The following CTNNA3 variants were observed in gnomAD, a reference collection of about 807,000 sequenced individuals.
The protein encoded by CTNNA3 is catenin alpha-3.
CTNNA3 carries 76 observed loss-of-function variants against 95.7 expected under a neutral mutation model. The observed-to-expected ratio is 0.79, with a 90% CI of 0.66 to 0.96. The LOEUF is 0.96. Among genes scored for constraint, CTNNA3 ranks in the 40% least tolerant of loss-of-function variants. The pLI is 0.00. For synonymous variants in CTNNA3, 431 were observed against 374.4 expected (o/e 1.15, Z -1.74); for missense variants, 1,191 against 1,089.8 (o/e 1.09, Z -1.31).
chr10:67,441,324 C>T (rs975216674), intron 5 of CTNNA3, among the ~76,000 whole-genome samples: 31 of 150,214 alleles, frequency 2.1e-4, no homozygotes, highest in African/African-American at 6.6e-4. Context: ...AAAATAGCCT[C>T]GAAAGGGCAA....
chr10:67,405,524 AG>A (rs1845107398), intron 5 of CTNNA3, among the ~76,000 whole-genome samples: 2 of 152,242 alleles, frequency 1.3e-5, no homozygotes, highest in Admixed American at 1.3e-4. Flanking sequence ...CACCCAAAAC[AG>A]GAACACCCAG....
At chr10:66,629,344 A>G (rs907534922) in intron 9 of CTNNA3, among the ~76,000 whole-genome samples, 6 of 152,010 alleles carry the variant, frequency 3.9e-5, no homozygotes, top group African/African-American at 1.2e-4. Context: ...TCACTCTCTC[A>G]TTCTCCCATC....
rs115477051 is a variant in CTNNA3, at chr10:66,590,004, A to G, written c.1374+31688T>C. Among the ~76,000 whole-genome samples the G allele has an allele frequency of 5.9e-3, 899 of 152,240 alleles. 10 individuals carry two copies. The highest frequency in any genetic ancestry group is 0.021 in the African/African-American group (876 of 41,556). On this transcript the variant is annotated intron_variant, in intron 10 of 17. Transcript: ENST00000433211. ...GTATAAAGAAATATTGAAAGGAGTA[A>G]GATTTTTTGAAAAAAAGTTTGGTAG...
chr10:66,938,396 A>C (rs1284916767), intron 7 of CTNNA3, among the ~76,000 whole-genome samples: 1 of 152,176 alleles, frequency 6.6e-6, no homozygotes, highest in African/African-American at 2.4e-5. Context: ...CCCATATTTT[A>C]TATATGTATC....
chr10:66,389,947 G>A (rs1331584501), intron 11 of CTNNA3, among the ~76,000 whole-genome samples: 1 of 152,084 alleles, frequency 6.6e-6, no homozygotes, highest in African/African-American at 2.4e-5. Flanking sequence ...CGTTGCTCAG[G>A]CTGATATCGA....
At chr10:67,169,933 A>T (rs1564939355) in intron 7 of CTNNA3, among the ~76,000 whole-genome samples, 1 of 152,210 alleles carries the variant, frequency 6.6e-6, no homozygotes, top group Non-Finnish European at 1.5e-5. Context: ...TGACAAAAGA[A>T]AAACAACCCC....
intron 4 of CTNNA3, among the ~76,000 whole-genome samples, chr10:67,538,429 A>G (rs1314415073): frequency 1.3e-5 from 2 of 151,678 alleles, no homozygotes; most frequent in African/African-American, 4.8e-5. Flanking sequence ...AAATAATACA[A>G]AAAATTAGCC....
chr10:67,173,048 T>C (rs919603384), intron 7 of CTNNA3, among the ~76,000 whole-genome samples: 1 of 152,138 alleles, frequency 6.6e-6, no homozygotes, highest in Admixed American at 6.6e-5. Context: ...TTCTAAACAT[T>C]ACCAATAGTA....
chr10:66,416,503 A>G (rs763102138), intron 11 of CTNNA3, among the ~76,000 whole-genome samples: 1 of 151,598 alleles, frequency 6.6e-6, no homozygotes, highest in Non-Finnish European at 1.5e-5. Flanking sequence ...ATGGTATACT[A>G]TAGTTAAAAT....
chr10:67,581,843 G>A (rs183124081), intron 3 of CTNNA3, among the ~76,000 whole-genome samples: 1 of 152,124 alleles, frequency 6.6e-6, no homozygotes, highest in Non-Finnish European at 1.5e-5. Context: ...TAGTTTTTTT[G>A]TGTAGAAGTG....
intron 1 of CTNNA3, chr10:67,665,792 A>T (rs1840318703): frequency 6.6e-6 from 1 of 152,232 alleles, no homozygotes; most frequent in Non-Finnish European, 1.5e-5. Flanking sequence ...CAGCAGAATC[A>T]GACCTGAAAT....
intron 3 of CTNNA3, among the ~76,000 whole-genome samples, chr10:67,593,127 T>G (rs1423330687): frequency 6.6e-6 from 1 of 152,182 alleles, no homozygotes; most frequent in Non-Finnish European, 1.5e-5. Context: ...GTTGCATCCA[T>G]GTTGCTGCAA....
intron 12 of CTNNA3, among the ~76,000 whole-genome samples, chr10:66,296,091 A>G (rs1564846310): frequency 6.6e-6 from 1 of 152,132 alleles, no homozygotes; most frequent in Non-Finnish European, 1.5e-5. Context: ...TACACTTTCT[A>G]TTTTTACTTC....
At chr10:67,318,100 A>T (rs1841143227) in intron 5 of CTNNA3, among the ~76,000 whole-genome samples, 1 of 152,060 alleles carries the variant, frequency 6.6e-6, no homozygotes, top group Admixed American at 6.5e-5. Flanking sequence ...GTAGGAGAAA[A>T]TGCCTATTAG....
intron 3 of CTNNA3, among the ~76,000 whole-genome samples, chr10:67,590,106 T>C (rs1446594432): frequency 6.6e-6 from 1 of 152,104 alleles, no homozygotes. Context: ...ATACAAAATA[T>C]ATTAATTATC....
intron 15 of CTNNA3, among the ~76,000 whole-genome samples, chr10:65,995,656 T>G (rs779975344): frequency 2.0e-5 from 3 of 152,206 alleles, no homozygotes; most frequent in Non-Finnish European, 4.4e-5. Context: ...GCAGTGGCAG[T>G]ATTGGGCCAT....
chr10:66,537,938 T>A (rs569200172), intron 10 of CTNNA3, among the ~76,000 whole-genome samples: 19 of 152,290 alleles, frequency 1.2e-4, no homozygotes, highest in African/African-American at 4.3e-4. Flanking sequence ...GGATAAAAGA[T>A]CTGTCATTCC....
Position 66,192,309 on chromosome 10 carries a change from A to G in CTNNA3, c.1884+88161T>C, listed in dbSNP as rs551412270. On this transcript the variant is annotated intron_variant, in intron 13 of 17. Coordinates refer to ENST00000433211, the MANE Select transcript of CTNNA3 (RefSeq NM_013266.4). ...TAAATATTTTCTATAGGTTGAGTGC[A>G]CATAGAAAACACTTTACAACAAAGA... 1.1e-4 allele frequency among the ~76,000 whole-genome samples: 16 copies of G among 152,304 alleles called. No homozygotes were observed. In the East Asian group the frequency reaches 2.5e-3, roughly 24 times the overall value.
chr10:67,062,468 C>T (rs1261369643), intron 7 of CTNNA3, among the ~76,000 whole-genome samples: 1 of 152,070 alleles, frequency 6.6e-6, no homozygotes, highest in Non-Finnish European at 1.5e-5. Flanking sequence ...AAATTAAGTA[C>T]ATTCATTGTA....
Sources: allele counts gnomAD v4.1 joint callset (sites outside exome capture counted in the v4.1 genomes callset), GRCh38; gene constraint gnomAD v4.1.1; transcripts MANE v1.5; gene names NCBI Gene and HGNC (gene_info 2026-07-23, HGNC 2026-07-21).